The following MAF variants were observed in gnomAD, a reference collection of about 807,000 sequenced individuals.
MAF encodes the protein MAF bZIP transcription factor.
Under a neutral mutation model 22.0 loss-of-function variants are expected in MAF, and 10 were observed. The ratio of observed to expected loss-of-function variants is 0.45; its 90% CI spans 0.28 to 0.77. The LOEUF (loss-of-function observed/expected upper bound fraction) is 0.77, where lower values mean the gene tolerates loss of function less well. MAF is among the 30% of genes least tolerant of loss of function. MAF has a pLI of 0.12. For missense variants in MAF, 544 were observed against 548.4 expected, an observed-to-expected ratio of 0.99 and a Z score of 0.08; for synonymous variants, 337 against 255.8, an observed-to-expected ratio of 1.32 and a Z score of -3.03.
At chr16:79,247,418 T>A in the MAF span, among the ~76,000 whole-genome samples, 1 of 152,174 alleles carries the variant, frequency 6.6e-6, no homozygotes, top group Non-Finnish European at 1.5e-5. Context: ...CTCAATGGCT[T>A]TGTGTGTGCT....
chr16:79,554,008 G>A, the MAF span, among the ~76,000 whole-genome samples: 1 of 152,168 alleles, frequency 6.6e-6, no homozygotes, highest in African/African-American at 2.4e-5. Context: ...AGAATTGCTT[G>A]AACCCAGGAG....
chr16:79,313,564 G>T, the MAF span, among the ~76,000 whole-genome samples: 1 of 152,152 alleles, frequency 6.6e-6, no homozygotes, highest in African/African-American at 2.4e-5. Context: ...AATCTTAAGA[G>T]TCAGTCCCCT....
chr16:79,570,011 CTTT>C, the MAF span, among the ~76,000 whole-genome samples: 1,585 of 116,922 alleles, frequency 0.014, 24 homozygotes, highest in African/African-American at 0.045. Context: ...TGTCTTTGTT[CTTT>C]TTTTTTTTTT....
the MAF span, among the ~76,000 whole-genome samples, chr16:79,286,047 T>A: frequency 7.9e-5 from 12 of 152,196 alleles, no homozygotes; most frequent in African/African-American, 2.9e-4. Flanking sequence ...GAGGAAATGA[T>A]AACAGTTCCT....
At chr16:79,550,175 C>T in the MAF span, among the ~76,000 whole-genome samples, 50 of 152,188 alleles carry the variant, frequency 3.3e-4, no homozygotes, top group African/African-American at 1.2e-3. Flanking sequence ...TTTAATAACC[C>T]CCCTGGCTTG....
At chr16:79,573,722 A>G in the MAF span, among the ~76,000 whole-genome samples, 1 of 152,234 alleles carries the variant, frequency 6.6e-6, no homozygotes. Context: ...CGAACTTTCT[A>G]ATATATGTCC....
At chr16:79,501,038 A>T in the MAF span, among the ~76,000 whole-genome samples, 4 of 152,196 alleles carry the variant, frequency 2.6e-5, no homozygotes, top group Non-Finnish European at 5.9e-5. Flanking sequence ...GCTTCCATAA[A>T]GGGATCCTGT....
the MAF span, among the ~76,000 whole-genome samples, chr16:79,502,825 AG>A: frequency 6.8e-6 from 1 of 147,466 alleles, no homozygotes; most frequent in African/African-American, 2.5e-5. Flanking sequence ...AAAAAACCCA[AG>A]GGAACTCTGT....
the MAF span, among the ~76,000 whole-genome samples, chr16:79,213,297 G>C: frequency 6.6e-6 from 1 of 151,984 alleles, no homozygotes; most frequent in Non-Finnish European, 1.5e-5. Flanking sequence ...CAGAGCAGTC[G>C]AACAAACAAA....
At chr16:79,271,345 G>C in the MAF span, among the ~76,000 whole-genome samples, 737 of 152,164 alleles carry the variant, frequency 4.8e-3, 5 homozygotes, top group Non-Finnish European at 8.3e-3. Flanking sequence ...AAATTTCCCA[G>C]CCTCCCAATG....
the MAF span, among the ~76,000 whole-genome samples, chr16:79,571,696 G>C: frequency 1.3e-5 from 2 of 152,082 alleles, no homozygotes; most frequent in Non-Finnish European, 2.9e-5. Context: ...GGTTCAGGCA[G>C]GATAGATCTA....
chr16:79,305,639 T>A, the MAF span, among the ~76,000 whole-genome samples: 1 of 152,164 alleles, frequency 6.6e-6, no homozygotes, highest in African/African-American at 2.4e-5. Flanking sequence ...ATAAATTGGA[T>A]ACAATTTGGG....
chr16:79,305,467 G>A, the MAF span, among the ~76,000 whole-genome samples: 1 of 152,130 alleles, frequency 6.6e-6, no homozygotes, highest in African/African-American at 2.4e-5. Context: ...TGACTGAGGA[G>A]TGCACCTTCC....
At chr16:79,512,800 A>G in the MAF span, among the ~76,000 whole-genome samples, 2 of 152,210 alleles carry the variant, frequency 1.3e-5, no homozygotes, top group Admixed American at 6.5e-5. Flanking sequence ...TCCAAGGGTT[A>G]AGGATGGATG....
chr16:79,212,263 C>T, the MAF span: 19 of 1,286,302 alleles, frequency 1.5e-5, no homozygotes, highest in East Asian at 2.5e-5. Context: ...ATAATTGTTT[C>T]ATTCATCCTG....
At chr16:79,562,521 C>T in the MAF span, among the ~76,000 whole-genome samples, 2 of 152,052 alleles carry the variant, frequency 1.3e-5, no homozygotes, top group Non-Finnish European at 1.5e-5. Context: ...TCTAACCAGA[C>T]CACAAAACAT....
At chr16:79,395,588 G>T in the MAF span, among the ~76,000 whole-genome samples, 1 of 152,048 alleles carries the variant, frequency 6.6e-6, no homozygotes, top group South Asian at 2.1e-4. Flanking sequence ...TTGGAGCATC[G>T]CATCTGCAAG....
the MAF span, among the ~76,000 whole-genome samples, chr16:79,422,502 C>G: frequency 1.3e-5 from 2 of 152,164 alleles, no homozygotes; most frequent in Non-Finnish European, 2.9e-5. Flanking sequence ...TTGAGCCAGT[C>G]ATAGAGATTC....
At chr16:79,481,267 A>G in the MAF span, among the ~76,000 whole-genome samples, 3 of 151,778 alleles carry the variant, frequency 2.0e-5, no homozygotes, top group Non-Finnish European at 4.4e-5. Context: ...TTGAGATACA[A>G]CTTATATATG....
Sources: allele counts gnomAD v4.1 joint callset (sites outside exome capture counted in the v4.1 genomes callset), GRCh38; gene constraint gnomAD v4.1.1; transcripts MANE v1.5; gene names NCBI Gene and HGNC (gene_info 2026-07-23, HGNC 2026-07-21).